The following CR1 variants were observed in gnomAD, a reference collection of about 807,000 sequenced individuals.
The protein encoded by CR1 is complement C3b/C4b receptor 1 (Knops blood group).
Under a neutral mutation model 187.3 loss-of-function variants are expected in CR1, and 116 were observed. The ratio of observed to expected loss-of-function variants is 0.62; its 90% confidence interval spans 0.53 to 0.72. The LOEUF is 0.72. Among genes scored for constraint, CR1 ranks in the 30% least tolerant of loss-of-function variants. The pLI, the probability that CR1 is intolerant of heterozygous loss-of-function variation, is 0.00. For synonymous variants in CR1, 576 were observed against 747.1 expected, an observed-to-expected ratio of 0.77 and a Z score of 3.73; for missense variants, 1,731 against 2,110.7, an observed-to-expected ratio of 0.82 and a Z score of 3.52.
rs929969129 is a variant in CR1 at position 207,618,359 on chromosome 1, T to C, written c.7066+112T>C. The C allele has an allele frequency of 4.0e-6, 4 of 999,532 alleles. No homozygotes were observed. The African/African-American group carries it at 6.5e-5, about 16-fold the overall frequency. 61.9% of individuals were successfully genotyped at this position (999,532 alleles called of 1,614,324 possible). On this transcript the variant is annotated intron_variant, in intron 42 of 46. Coordinates refer to ENST00000367049, the MANE Select transcript of CR1 (RefSeq NM_000651.6). Reference sequence around the variant, plus strand: ...TAATGAAAGGGATAATATTTTTTTCTTCTCGGCAACTGCTTTCTTTTCATT... The same window carrying C: ...TAATGAAAGGGATAATATTTTTTTCCTCTCGGCAACTGCTTTCTTTTCATT...
At chr1:207,619,376 CAA>C (rs67078800) in intron 42 of CR1, among the ~76,000 whole-genome samples, 1,900 of 92,674 alleles carry the variant, frequency 0.021, 17 homozygotes, top group African/African-American at 0.06. Flanking sequence ...CAGTGAGACT[CAA>C]AAAAAAAAAA....
rs554804785 is a variant in CR1 at position 207,612,036 on chromosome 1, T to C, written c.6570T>C (p.Asp2190=). 3.4e-5 allele frequency: 55 copies of C among 1,614,004 alleles called. 1 individual carries two copies. The South Asian group carries it at 5.4e-4, about 16-fold the overall frequency. The change falls in exon 39 of 47, where the codon GAT becomes GAC. Residue 2190 remains aspartate, a synonymous_variant. Coordinates refer to ENST00000367049, the MANE Select transcript of CR1 (RefSeq NM_000651.6). ...QLGAKVSFVC[D]EGFRLKGRSA... is the part of the protein sequence containing the mutation. ...GGGCAAAGGTGTCCTTTGTTTGCGA[T>C]GAAGGGTGAGTGTGACCCAGCGTTG...
At chr1:207,598,421 C>CT (rs11392366) in intron 35 of CR1, among the ~76,000 whole-genome samples, 125,265 of 148,622 alleles carry the variant, frequency 0.84, 53,196 homozygotes, top group African/African-American at 0.95. Context: ...AAGACAAGAA[C>CT]TTTTTTTTTT....
chr1:207,581,154 G>A lies in CR1; in HGVS notation c.5216+541G>A, dbSNP rs575720428. On this transcript the variant is annotated intron_variant, in intron 31 of 46. Transcript: ENST00000367049. ...TACATATGGACACGTATATGTATACGTATACATGTACATGTGTATACATAT... is the reference window on the plus strand; with the variant it reads ...TACATATGGACACGTATATGTATACATATACATGTACATGTGTATACATAT... 1.4e-4 allele frequency among the ~76,000 whole-genome samples: 22 copies of A among 151,776 alleles called. 1 individual carries two copies. The highest frequency in any genetic ancestry group is 4.2e-4 in the South Asian group (2 of 4,818).
rs780093897 is a variant in CR1 at position 207,496,366 on chromosome 1, G to C, written c.99G>C (p.Leu33=). The part of the protein sequence containing the change: ...CGGSLLAVVV[L]LALPVAWGQC... ...GATCCCTGCTGGCGGTTGTGGTGCT[G>C]CTTGCGCTGCCGGTGGCCTGGGGTG... The change falls in exon 1 of 47, where the codon CTG becomes CTC. Residue 33 remains leucine, a synonymous_variant. Coordinates refer to ENST00000367049, the MANE Select transcript of CR1 (RefSeq NM_000651.6). 13 of 1,610,698 alleles carry C rather than the reference G, an allele frequency of 8.1e-6. No homozygotes were observed. The South Asian group carries it at 1.2e-4, about 15-fold the overall frequency.
intron 27 of CR1, among the ~76,000 whole-genome samples, chr1:207,575,202 TACACACACACAC>T (rs56173301): frequency 7.4e-5 from 11 of 149,332 alleles, no homozygotes; most frequent in South Asian, 4.3e-4. Flanking sequence ...CATAGTATTA[TACACACACACAC>T]ACACACACAC....
intron 39 of CR1, among the ~76,000 whole-genome samples, chr1:207,613,534 A>G (rs1662003582): frequency 6.6e-6 from 1 of 152,066 alleles, no homozygotes; most frequent in South Asian, 2.1e-4. Flanking sequence ...AACTGTCTTC[A>G]GCTTGAAGGT....
At chr1:207,636,139 T>G (rs555250966) in intron 46 of CR1, among the ~76,000 whole-genome samples, 2 of 150,986 alleles carry the variant, frequency 1.3e-5, no homozygotes, top group African/African-American at 2.4e-5. Context: ...GCTGTCTCTT[T>G]GGAGCTGTTG....
intron 31 of CR1, among the ~76,000 whole-genome samples, chr1:207,581,288 A>AGACG (rs1282351630): frequency 6.2e-4 from 90 of 144,002 alleles, no homozygotes; most frequent in African/African-American, 2.2e-3. Context: ...ACGTATATGT[A>AGACG]TACGTATACA....
At chr1:207,575,185 A>T (rs1344604165) in intron 27 of CR1, among the ~76,000 whole-genome samples, 4 of 145,848 alleles carry the variant, frequency 2.7e-5, no homozygotes, top group Non-Finnish European at 6.0e-5. Context: ...TGTCTCAAGT[A>T]AAATGACATA....
intron 4 of CR1, among the ~76,000 whole-genome samples, chr1:207,515,685 G>A (rs1045901719): frequency 2.0e-5 from 3 of 152,000 alleles, no homozygotes; most frequent in South Asian, 2.1e-4. Flanking sequence ...ACCTTTTCAC[G>A]TTTGTGAAGT....
In CR1 at chr1:207,619,050, A is replaced by AAG. The variant is rs376528276; in HGVS notation, c.7066+804_7066+805insGA. Among the ~76,000 whole-genome samples the AAG allele has an allele frequency of 7.8e-4, 108 of 139,108 alleles. 8 individuals are homozygous for AAG. Among genetic ancestry groups the AAG allele is most frequent in the Middle Eastern group, 3.8e-3 (1 of 262 alleles). The allele number at this position is 139,108 out of a possible 152,430, so 91.3% of individuals were successfully genotyped here. On this transcript the variant is annotated intron_variant, in intron 42 of 46. Coordinates refer to ENST00000367049, the MANE Select transcript of CR1 (RefSeq NM_000651.6). The stretch of plus-strand genomic sequence containing the variant: ...AGACTCCGTCTCAAAAAAAAAAAAA[A>AAG]AAAAAGAAAAGAAAAGAAAGTAAAT...
In CR1 at chr1:207,614,388, C is replaced by T. The variant is rs771653048; in HGVS notation, c.6576-16C>T. 2.1e-5 allele frequency: 34 copies of T among 1,584,656 alleles called. No homozygotes were observed. The Admixed American group carries it at 5.6e-4, about 26-fold the overall frequency. On this transcript the variant is annotated splice_polypyrimidine_tract_variant and intron_variant, in intron 39 of 46. Transcript: ENST00000367049. ...GGAATTGCTCACACATTTGCTACCACTTTTTTTTTCTTTAGGTTCCGATTA... is the reference window on the plus strand; with the variant it reads ...GGAATTGCTCACACATTTGCTACCATTTTTTTTTTCTTTAGGTTCCGATTA...
chr1:207,578,940 C>T (rs1222213148), intron 29 of CR1, among the ~76,000 whole-genome samples: 2 of 152,234 alleles, frequency 1.3e-5, no homozygotes, highest in Admixed American at 1.3e-4. Context: ...ACAATCATGG[C>T]TCACTGCAGC....
In CR1 at chr1:207,587,414, A is replaced by G. The variant is rs750089402; in HGVS notation, c.5559A>G (p.Pro1853=). ...AGHCKTPEQF[P]FASPTIPIND... ...ACTGTAAAACCCCAGAGCAGTTTCC[A>G]TTTGCCAGTCCTACGATCCCAATTA... The change falls in exon 34 of 47, where the codon CCA becomes CCG. Residue 1853 remains proline, a synonymous_variant. Coordinates refer to ENST00000367049, the MANE Select transcript of CR1 (RefSeq NM_000651.6). 1 of 1,613,672 alleles carries G rather than the reference A, an allele frequency of 6.2e-7. No homozygotes were observed. Among genetic ancestry groups the G allele is most frequent in the East Asian group, 2.2e-5 (1 of 44,862 alleles).
intron 46 of CR1, among the ~76,000 whole-genome samples, chr1:207,634,073 C>T (rs1662734769): frequency 1.3e-5 from 2 of 152,082 alleles, no homozygotes; most frequent in Admixed American, 6.5e-5. Flanking sequence ...GGTGGAATGT[C>T]ATCAGTAAAG....
intron 24 of CR1, among the ~76,000 whole-genome samples, chr1:207,566,442 A>G (rs1013127501): frequency 4.7e-5 from 7 of 150,154 alleles, no homozygotes; most frequent in Non-Finnish European, 8.8e-5. Context: ...TTTGTGCCTG[A>G]TGTTCATCTA....
chr1:207,638,820 C>T (rs1029150553), intron 46 of CR1, among the ~76,000 whole-genome samples: 14 of 152,210 alleles, frequency 9.2e-5, no homozygotes, highest in African/African-American at 3.4e-4. Context: ...TCCTACAGTC[C>T]CCTCAGGCAG....
At chr1:207,522,688 G>A (rs1181117884) in intron 4 of CR1, among the ~76,000 whole-genome samples, 1 of 152,218 alleles carries the variant, frequency 6.6e-6, no homozygotes, top group Non-Finnish European at 1.5e-5. Flanking sequence ...AGGGTGGATG[G>A]TTGGAGCAAT....
Sources: gnomAD v4.1 joint callset for allele counts (sites outside exome capture counted in the v4.1 genomes callset) on GRCh38, gnomAD v4.1.1 for gene constraint, MANE v1.5 for transcripts, NCBI Gene and HGNC (gene_info 2026-07-23, HGNC 2026-07-21) for gene names.